DST: variants seen among roughly 807,000 people sequenced by gnomAD.
DST encodes the protein dystonin, also known as bullous pemphigoid antigen.
A neutral mutation model predicts 875.2 loss-of-function variants in DST; 253 were observed. The ratio of observed to expected loss-of-function variants is 0.29; its 90% CI spans 0.26 to 0.32. DST has a LOEUF of 0.32. Ranked by LOEUF, DST falls within the 10% of genes least tolerant of loss-of-function variation. The pLI is 1.00. For synonymous variants in DST, 3,124 were observed against 3,197.1 expected (o/e 0.98, Z 0.77); for missense variants, 8,287 against 9,111.6 (o/e 0.91, Z 3.68).
chr6:56,874,149 A>G (rs183645160), intron 3 of DST, among the ~76,000 whole-genome samples: 2 of 152,326 alleles, frequency 1.3e-5, no homozygotes, highest in Non-Finnish European at 2.9e-5. Flanking sequence ...CATGTACCCC[A>G]TAAATATGTA....
At chr6:56,690,922 T>C (rs1054410855) in intron 9 of DST, among the ~76,000 whole-genome samples, 5 of 152,186 alleles carry the variant, frequency 3.3e-5, no homozygotes, top group African/African-American at 1.2e-4. Flanking sequence ...ATAGTCTTTA[T>C]CTGAACTACA....
chr6:56,774,741 C>T (rs943841426), intron 4 of DST, among the ~76,000 whole-genome samples: 2 of 152,118 alleles, frequency 1.3e-5, no homozygotes, highest in Non-Finnish European at 2.9e-5. Flanking sequence ...GCCTCTAATC[C>T]CAGCACTTTG....
chr6:56,560,636 A>G (rs984174648), intron 57 of DST, among the ~76,000 whole-genome samples: 2 of 152,178 alleles, frequency 1.3e-5, no homozygotes, highest in Non-Finnish European at 2.9e-5. Context: ...ACAGAGGAAC[A>G]CTATGACTAT....
intron 10 of DST, among the ~76,000 whole-genome samples, chr6:56,666,515 T>A (rs116288575): frequency 0.015 from 2,252 of 152,106 alleles, 56 homozygotes; most frequent in African/African-American, 0.051. Flanking sequence ...GATAACCACA[T>A]CCCTCTTTTC....
chr6:56,537,918 A>G (rs867532157), intron 61 of DST, among the ~76,000 whole-genome samples: 1 of 152,200 alleles, frequency 6.6e-6, no homozygotes, highest in Non-Finnish European at 1.5e-5. Flanking sequence ...ATAGAAATTT[A>G]TATTTCTATC....
intron 10 of DST, among the ~76,000 whole-genome samples, chr6:56,659,261 G>A (rs2099026234): frequency 6.6e-6 from 1 of 152,146 alleles, no homozygotes; most frequent in Admixed American, 6.5e-5. Context: ...TATGACAATG[G>A]TTATAGTAAT....
chr6:56,834,262 G>C (rs1479076621), intron 4 of DST, among the ~76,000 whole-genome samples: 1 of 151,920 alleles, frequency 6.6e-6, no homozygotes, highest in East Asian at 1.9e-4. Flanking sequence ...CAAAAGATCT[G>C]AACAGACACC....
intron 4 of DST, among the ~76,000 whole-genome samples, chr6:56,790,431 A>C (rs2099717891): frequency 6.6e-6 from 1 of 152,176 alleles, no homozygotes; most frequent in South Asian, 2.1e-4. Flanking sequence ...TACATTTTAA[A>C]AACTGTCTTA....
chr6:56,470,744 T>C (rs1330873345), intron 95 of DST, among the ~76,000 whole-genome samples: 3 of 150,064 alleles, frequency 2.0e-5, no homozygotes, highest in Non-Finnish European at 4.4e-5. Context: ...AAAAAGGGAC[T>C]TGAATTTATT....
intron 4 of DST, among the ~76,000 whole-genome samples, chr6:56,813,166 T>C (rs538084617): frequency 2.9e-5 from 4 of 140,138 alleles, no homozygotes; most frequent in Non-Finnish European, 4.5e-5. Flanking sequence ...TTCTCACTCA[T>C]AGGTGGGAAT....
At position 56,606,460 on chromosome 6, in the gene DST, G is replaced by GTTTCCAGTGACTGTCCATTCACCT. The variant is rs769377556; in HGVS notation, c.8144_8167dup (p.Lys2715_Glu2722dup). 42 of 1,613,310 alleles carry GTTTCCAGTGACTGTCCATTCACCT rather than the reference G, an allele frequency of 2.6e-5. No homozygotes were observed. Among genetic ancestry groups the GTTTCCAGTGACTGTCCATTCACCT allele is most frequent in the Non-Finnish European group, 3.6e-5 (42 of 1,179,560 alleles). On this transcript the variant is annotated inframe_insertion, in exon 40 of 104. Transcript: ENST00000680361. The stretch of plus-strand genomic sequence containing the variant: ...ATTTGTGCATTCCCTTTCTGATCCA[G>GTTTCCAGTGACTGTCCATTCACCT]TTTCCAGTGACTGTCCATTCACCTT...
intron 9 of DST, among the ~76,000 whole-genome samples, chr6:56,684,343 G>A (rs796254018): frequency 5.9e-5 from 9 of 152,238 alleles, no homozygotes; most frequent in African/African-American, 2.2e-4. Context: ...AATTTAAAGT[G>A]TTATCAAATA....
intron 2 of DST, among the ~76,000 whole-genome samples, chr6:56,940,235 C>T (rs901395584): frequency 2.1e-4 from 26 of 126,088 alleles, no homozygotes; most frequent in Non-Finnish European, 3.5e-4. Context: ...CACACACACA[C>T]ATATATACAT....
At chr6:56,667,826 T>TACACACAC (rs1244797899) in intron 10 of DST, among the ~76,000 whole-genome samples, 3 of 144,124 alleles carry the variant, frequency 2.1e-5, no homozygotes, top group African/African-American at 8.8e-5. Flanking sequence ...TATATATATA[T>TACACACAC]ATACACACAC....
chr6:56,496,611 T>C (rs2095914417), intron 82 of DST, among the ~76,000 whole-genome samples: 1 of 152,122 alleles, frequency 6.6e-6, no homozygotes, highest in South Asian at 2.1e-4. Context: ...GGCACAATAA[T>C]TTAATAATTT....
At position 56,618,035 on chromosome 6, in the gene DST, T is replaced by C. The variant is rs1252306296; in HGVS notation, c.4930-3551A>G. The C allele has an allele frequency of 1.5e-5, 25 of 1,614,076 alleles. No homozygotes were observed. The highest frequency in any genetic ancestry group is 2.0e-5 in the Non-Finnish European group (24 of 1,180,024). On this transcript the variant is annotated intron_variant, in intron 36 of 103. Transcript: ENST00000680361. ...CAGTTCCATTTCACATGCGTTATCT[T>C]GATACCTAACAGGTGGTCTAGAATT...
intron 4 of DST, among the ~76,000 whole-genome samples, chr6:56,756,991 C>T (rs905478456): frequency 2.6e-5 from 4 of 152,118 alleles, no homozygotes; most frequent in Non-Finnish European, 5.9e-5. Context: ...CTGGATGAAT[C>T]AATGCCTTGC....
chr6:56,824,820 G>T (rs1389565071), intron 4 of DST, among the ~76,000 whole-genome samples: 1 of 151,852 alleles, frequency 6.6e-6, no homozygotes, highest in Non-Finnish European at 1.5e-5. Flanking sequence ...CAGCCGCCCC[G>T]TCTGAGAAGT....
intron 34 of DST, among the ~76,000 whole-genome samples, chr6:56,625,737 TAA>T (rs557564533): frequency 0.027 from 3,742 of 140,314 alleles, 75 homozygotes; most frequent in Non-Finnish European, 0.044. Flanking sequence ...CCTACTTATT[TAA>T]AAAAAAAAAA....
Sources: allele counts gnomAD v4.1 joint callset (sites outside exome capture counted in the v4.1 genomes callset), GRCh38; gene constraint gnomAD v4.1.1; transcripts MANE v1.5; gene names NCBI Gene and HGNC (gene_info 2026-07-23, HGNC 2026-07-21).